FILIP1: variants seen among roughly 807,000 people sequenced by gnomAD.
FILIP1 encodes the protein filamin-A-interacting protein 1.
FILIP1 carries 61 observed loss-of-function variants against 102.1 expected under a neutral mutation model. The ratio of observed to expected loss-of-function variants is 0.60; its 90% CI spans 0.49 to 0.74. The LOEUF is 0.74. Ranked by LOEUF, FILIP1 falls within the 30% of genes least tolerant of loss-of-function variation. The probability of loss-of-function intolerance (pLI) is 0.00; values close to 1 mark genes in which losing one functional copy is unlikely to be tolerated. For synonymous variants in FILIP1, 491 were observed against 526.9 expected (o/e 0.93, Z 0.93); for missense variants, 1,314 against 1,441.2 (o/e 0.91, Z 1.43).
At chr6:75,372,684 AG>A (rs1334784555) in intron 2 of FILIP1, among the ~76,000 whole-genome samples, 2 of 31,450 alleles carry the variant, frequency 6.4e-5, no homozygotes, top group African/African-American at 4.0e-4. Context: ...AAAGAAAGAA[AG>A]AGAAAGAAAG....
intron 1 of FILIP1, among the ~76,000 whole-genome samples, chr6:75,471,403 TA>T (rs1401879840): frequency 1.3e-5 from 2 of 152,160 alleles, no homozygotes; most frequent in East Asian, 3.9e-4. Context: ...CTAATAAAAA[TA>T]ATCAAGATTT....
intron 4 of FILIP1, among the ~76,000 whole-genome samples, chr6:75,352,255 A>T (rs924339906): frequency 1.3e-5 from 2 of 152,178 alleles, no homozygotes; most frequent in Non-Finnish European, 2.9e-5. Context: ...GTCTAGGTAA[A>T]TCTGTTCCCT....
At chr6:75,338,599 C>G (rs528326076) in intron 4 of FILIP1, among the ~76,000 whole-genome samples, 1 of 152,228 alleles carries the variant, frequency 6.6e-6, no homozygotes, top group African/African-American at 2.4e-5. Context: ...TGTAGTGATA[C>G]GAGACAACAC....
At chr6:75,300,181 C>G (rs1449383763) in intron 6 of FILIP1, among the ~76,000 whole-genome samples, 1 of 152,130 alleles carries the variant, frequency 6.6e-6, no homozygotes, top group Non-Finnish European at 1.5e-5. Flanking sequence ...TAGCTAGCCT[C>G]TAAGTTCACA....
intron 2 of FILIP1, among the ~76,000 whole-genome samples, chr6:75,374,962 T>C (rs974496307): frequency 7.2e-5 from 11 of 152,214 alleles, no homozygotes; most frequent in African/African-American, 2.7e-4. Context: ...TGTAATTCCA[T>C]CTGGAGGACT....
chr6:75,352,113 A>C (rs1774830090), intron 4 of FILIP1, among the ~76,000 whole-genome samples: 1 of 152,240 alleles, frequency 6.6e-6, no homozygotes, highest in Admixed American at 6.5e-5. Flanking sequence ...AATTTTTTTA[A>C]AAAATGTTTA....
chr6:75,411,071 C>T (rs1777052109), intron 2 of FILIP1, among the ~76,000 whole-genome samples: 1 of 152,202 alleles, frequency 6.6e-6, no homozygotes, highest in Non-Finnish European at 1.5e-5. Context: ...TCTACATCCT[C>T]TCCAGCATCT....
chr6:75,306,779 GTCTC>G (rs1232559003), downstream of FILIP1, among the ~76,000 whole-genome samples: 1 of 149,342 alleles, frequency 6.7e-6, no homozygotes, highest in Non-Finnish European at 1.5e-5. Flanking sequence ...TTGAGACAGA[GTCTC>G]TCTCTGTCGC....
intron 1 of FILIP1, among the ~76,000 whole-genome samples, chr6:75,446,585 TG>T (rs1214062593): frequency 1.3e-5 from 2 of 152,174 alleles, no homozygotes; most frequent in Non-Finnish European, 2.9e-5. Context: ...TTCGTTTACC[TG>T]GGTTCACACT....
chr6:75,450,116 A>T (rs1445113996), intron 1 of FILIP1, among the ~76,000 whole-genome samples: 24 of 151,748 alleles, frequency 1.6e-4, no homozygotes, highest in Admixed American at 1.1e-3. Context: ...CTTTTTAAAA[A>T]TTTTTTTTGG....
At chr6:75,492,659 A>G (rs966521797) in intron 1 of FILIP1, among the ~76,000 whole-genome samples, 1 of 152,238 alleles carries the variant, frequency 6.6e-6, no homozygotes, top group African/African-American at 2.4e-5. Flanking sequence ...TATAGTAAAC[A>G]CATTCATACA....
chr6:75,311,974 C>T (rs1323391160), intron 5 of FILIP1, among the ~76,000 whole-genome samples: 3 of 152,162 alleles, frequency 2.0e-5, no homozygotes, highest in Non-Finnish European at 4.4e-5. Context: ...TATATAACCA[C>T]ATATTGAATA....
chr6:75,395,529 C>T (rs547587300), intron 2 of FILIP1, among the ~76,000 whole-genome samples: 198 of 152,310 alleles, frequency 1.3e-3, no homozygotes, highest in African/African-American at 4.4e-3. Context: ...CCATCCTCCT[C>T]GACTTCCCAA....
At chr6:75,350,006 A>T (rs1478604215) in intron 4 of FILIP1, among the ~76,000 whole-genome samples, 1 of 151,678 alleles carries the variant, frequency 6.6e-6, no homozygotes, top group East Asian at 1.9e-4. Flanking sequence ...AATCCCAAAA[A>T]CTTCGCTGCC....
At chr6:75,478,592 C>CA (rs1326312340) in intron 1 of FILIP1, among the ~76,000 whole-genome samples, 2 of 152,162 alleles carry the variant, frequency 1.3e-5, no homozygotes, top group African/African-American at 4.8e-5. Context: ...AGCTCTTATA[C>CA]AACAGGTATC....
intron 4 of FILIP1, among the ~76,000 whole-genome samples, chr6:75,324,221 C>T (rs1381285519): frequency 6.6e-6 from 1 of 151,206 alleles, no homozygotes; most frequent in African/African-American, 2.4e-5. Flanking sequence ...TCACTATACA[C>T]AAATCAGTAG....
chr6:75,404,464 T>C (rs1776766476), intron 2 of FILIP1, among the ~76,000 whole-genome samples: 1 of 152,182 alleles, frequency 6.6e-6, no homozygotes, highest in Non-Finnish European at 1.5e-5. Flanking sequence ...TCCAGTGCTA[T>C]AAAATATGTA....
chr6:75,455,583 A>G (rs1778803300), intron 1 of FILIP1, among the ~76,000 whole-genome samples: 1 of 152,176 alleles, frequency 6.6e-6, no homozygotes, highest in Non-Finnish European at 1.5e-5. Context: ...GATTGCTATT[A>G]CTATTCTCAA....
chr6:75,378,379 C>T (rs981833894), intron 2 of FILIP1, among the ~76,000 whole-genome samples: 1 of 152,078 alleles, frequency 6.6e-6, no homozygotes, highest in Admixed American at 6.5e-5. Context: ...GTCTATAGTA[C>T]GAGAGCTGAA....
Sources: allele counts gnomAD v4.1 joint callset (sites outside exome capture counted in the v4.1 genomes callset), GRCh38; gene constraint gnomAD v4.1.1; transcripts MANE v1.5; gene names NCBI Gene and HGNC (gene_info 2026-07-23, HGNC 2026-07-21).